RAD51C: variants seen among roughly 807,000 people sequenced by gnomAD.
RAD51C encodes DNA repair protein RAD51 homolog 3.
A neutral mutation model predicts 45.0 loss-of-function variants in RAD51C; 42 were observed. The observed-to-expected ratio is 0.93, with a 90% CI of 0.73 to 1.21. The LOEUF (loss-of-function observed/expected upper bound fraction) is 1.21. Ranked by LOEUF, RAD51C falls within the 50% of genes most tolerant of loss-of-function variation. The probability of loss-of-function intolerance (pLI) is 0.00; values close to 1 mark genes in which losing one functional copy is unlikely to be tolerated. For synonymous variants in RAD51C, 172 were observed against 159.8 expected (o/e 1.08, Z -0.58); for missense variants, 474 against 452.2 (o/e 1.05, Z -0.44).
At chr17:58,715,138 A>G (rs988050958) in intron 5 of RAD51C, among the ~76,000 whole-genome samples, 1 of 144,064 alleles carries the variant, frequency 6.9e-6, no homozygotes, top group African/African-American at 2.7e-5. Flanking sequence ...ATTAAAAAAA[A>G]AAAAACAAAA....
chr17:58,724,004 A>G (rs2143960364), intron 6 of RAD51C, 36 bp from the exon 7 acceptor site: 2 of 1,540,050 alleles, frequency 1.3e-6, no homozygotes, highest in Non-Finnish European at 1.8e-6. Context: ...CCAAGTCAGT[A>G]AGGCCATATA....
In RAD51C at chr17:58,724,017, GTTA is replaced by G. The variant is rs757889102; in HGVS notation, c.905-18_905-16del. The G allele has an allele frequency of 2.5e-6, 4 of 1,592,326 alleles. No homozygotes were observed. The highest frequency in any genetic ancestry group is 2.2e-5 in the East Asian group (1 of 44,752). ...AACCAAGTCAGTAAGGCCATATACA[GTTA>G]TTATGTTTTTTACTCTCAGGGGAAA... On this transcript the variant is annotated intron_variant, in intron 6 of 8. Transcript: ENST00000337432.
At chr17:58,696,154 T>C (rs1481000564) in intron 2 of RAD51C, among the ~76,000 whole-genome samples, 1 of 151,646 alleles carries the variant, frequency 6.6e-6, no homozygotes, top group Admixed American at 6.6e-5. Flanking sequence ...CTTAATTGGC[T>C]GGGCGCAGTG....
intron 4 of RAD51C, among the ~76,000 whole-genome samples, chr17:58,707,838 G>C (rs1332087149): frequency 6.6e-6 from 1 of 152,134 alleles, no homozygotes; most frequent in Non-Finnish European, 1.5e-5. Flanking sequence ...ATTGGTCTCT[G>C]GTGAGAGCTC....
intron 5 of RAD51C, among the ~76,000 whole-genome samples, chr17:58,714,331 T>C (rs1223755978): frequency 1.3e-5 from 2 of 152,048 alleles, no homozygotes; most frequent in African/African-American, 4.8e-5. Context: ...AGGAATCGAT[T>C]TTTGAACATT....
At chr17:58,701,592 A>G (rs1326350153) in intron 3 of RAD51C, among the ~76,000 whole-genome samples, 1 of 149,332 alleles carries the variant, frequency 6.7e-6, no homozygotes, top group Non-Finnish European at 1.5e-5. Context: ...TTTTTCTGAG[A>G]CAGAGTCTTG....
In RAD51C at chr17:58,709,875, T is replaced by C. The variant is rs1555599127; in HGVS notation, c.722T>C (p.Val241Ala). 1.2e-6 allele frequency: 2 copies of C among 1,608,390 alleles called. No homozygotes were observed. The highest frequency in any genetic ancestry group is 1.7e-6 in the Non-Finnish European group (2 of 1,175,040). ...SEHSKVRLVI[V>A]DGIAFPFRHD... ...TGTATTTAGGTTCGACTAGTGATAG[T>C]GGATGGTATTGCTTTTCCATTTCGT... Residue 241 changes from valine (V) to alanine (A), a missense_variant, in exon 5 of 9, where the codon GTG becomes GCG. Physicochemically the swap from Val to Ala is moderately conservative, Grantham distance 64. Coordinates refer to ENST00000337432, the MANE Select transcript of RAD51C (RefSeq NM_058216.3).
At chr17:58,693,577 C>G (rs1181941958) in intron 1 of RAD51C, 1 of 152,126 alleles carries the variant, frequency 6.6e-6, no homozygotes, top group African/African-American at 2.4e-5. Flanking sequence ...TAAGTCATAC[C>G]GCGCGCAGAC....
At chr17:58,714,045 C>T (rs2048648259) in intron 5 of RAD51C, among the ~76,000 whole-genome samples, 2 of 151,488 alleles carry the variant, frequency 1.3e-5, no homozygotes, top group Admixed American at 1.3e-4. Flanking sequence ...AGTACAGTGT[C>T]ACACTCTTGG....
In RAD51C at chr17:58,692,802, A is replaced by G. The variant is rs1567783355; in HGVS notation, c.145+14A>G. On this transcript the variant is annotated intron_variant, in intron 1 of 8. Coordinates refer to ENST00000337432, the MANE Select transcript of RAD51C (RefSeq NM_058216.3). Reference sequence around the variant, plus strand: ...AGCTTAGCAAAGGTAACGACTCCTGATGGCAAGCTGAGGCACACCGGCCGC... The same window carrying G: ...AGCTTAGCAAAGGTAACGACTCCTGGTGGCAAGCTGAGGCACACCGGCCGC... The G allele has an allele frequency of 4.3e-6, 7 of 1,614,128 alleles. No individual in the cohort carries two copies. Among genetic ancestry groups the G allele is most frequent in the Non-Finnish European group, 5.9e-6 (7 of 1,180,010 alleles).
intron 7 of RAD51C, among the ~76,000 whole-genome samples, chr17:58,724,560 G>A (rs1015562208): frequency 6.6e-6 from 1 of 151,548 alleles, no homozygotes; most frequent in African/African-American, 2.4e-5. Flanking sequence ...ATGAAATTGT[G>A]TCTGTTTTTT....
intron 5 of RAD51C, among the ~76,000 whole-genome samples, chr17:58,716,177 G>T (rs896114711): frequency 3.3e-5 from 5 of 151,462 alleles, no homozygotes; most frequent in Non-Finnish European, 7.4e-5. Flanking sequence ...GTTGTATCAT[G>T]GAGGCCAATC....
Position 58,701,621 on chromosome 17 carries a change from A to G in RAD51C, c.572-1575A>G, listed in dbSNP as rs1290728221. Among the ~76,000 whole-genome samples the G allele has an allele frequency of 4.1e-5, 6 of 148,058 alleles. No homozygotes were observed. In the South Asian group the frequency reaches 1.4e-3, roughly 34 times the overall value. On this transcript the variant is annotated intron_variant, in intron 3 of 8. Transcript: ENST00000337432. ...AGTCTTGCTCTGTCGCCCAGGCTGG[A>G]GTGCAGTGGCGGGATCTCAGCTCAC...
chr17:58,735,237 C>G lies in RAD51C; in HGVS notation c.*1015C>G, dbSNP rs528447927. On this transcript the variant is annotated 3_prime_UTR_variant, in exon 9 of 9. Transcript: ENST00000337432. ...TTGAGACAAGGTCTCACTCCGTCAC[C>G]CAGGCTGGAGTGCAGTGGCATGATC... The G allele has an allele frequency of 3.7e-3, 564 of 152,378 alleles. 3 individuals carry two copies. Among genetic ancestry groups the G allele is most frequent in the Non-Finnish European group, 5.5e-3 (378 of 68,122 alleles). The allele number at this position is 152,378 out of a possible 1,614,324, so 9.4% of individuals were successfully genotyped here.
chr17:58,701,979 TCTAA>T (rs994037804), intron 3 of RAD51C, among the ~76,000 whole-genome samples: 3 of 151,098 alleles, frequency 2.0e-5, no homozygotes, highest in Non-Finnish European at 3.0e-5. Context: ...GAACATTTTT[TCTAA>T]CTGTGTTTTA....
intron 5 of RAD51C, among the ~76,000 whole-genome samples, chr17:58,713,222 C>G (rs1388574339): frequency 1.3e-5 from 2 of 152,170 alleles, no homozygotes; most frequent in East Asian, 3.8e-4. Context: ...GAACATCTTT[C>G]CATGTATACT....
intron 7 of RAD51C, among the ~76,000 whole-genome samples, chr17:58,725,508 G>A (rs2143973380): frequency 6.6e-6 from 1 of 152,148 alleles, no homozygotes; most frequent in South Asian, 2.1e-4. Context: ...ATGCATTTAA[G>A]AAGAAAAATA....
chr17:58,696,182 C>T (rs1161451660), intron 2 of RAD51C, among the ~76,000 whole-genome samples: 1 of 152,128 alleles, frequency 6.6e-6, no homozygotes, highest in African/African-American at 2.4e-5. Context: ...CTTGTAATCC[C>T]AGCACTTTGG....
At chr17:58,698,719 C>T (rs1282335836) in intron 3 of RAD51C, among the ~76,000 whole-genome samples, 1 of 151,250 alleles carries the variant, frequency 6.6e-6, no homozygotes, top group Non-Finnish European at 1.5e-5. Flanking sequence ...GCGGGCGGAT[C>T]ACCTGAAGTC....
Sources: allele counts gnomAD v4.1 joint callset (sites outside exome capture counted in the v4.1 genomes callset), GRCh38; gene constraint gnomAD v4.1.1; transcripts MANE v1.5; gene names NCBI Gene and HGNC (gene_info 2026-07-23, HGNC 2026-07-21).